The following GNG2 variants were observed in gnomAD, a reference collection of about 807,000 sequenced individuals.
The protein encoded by GNG2 is guanine nucleotide-binding protein G(I)/G(S)/G(O) subunit gamma-2.
A neutral mutation model predicts 5.5 loss-of-function variants in GNG2; 5 were observed. The observed-to-expected ratio is 0.91, with a 90% CI of 0.48 to 1.92. The LOEUF (loss-of-function observed/expected upper bound fraction) is 1.92. Ranked by LOEUF, GNG2 falls within the 30% of genes most tolerant of loss-of-function variation. GNG2 has a pLI of 0.01. For synonymous variants in GNG2, 28 were observed against 32.0 expected, an observed-to-expected ratio of 0.88 and a Z score of 0.42; for missense variants, 55 against 88.4, an observed-to-expected ratio of 0.62 and a Z score of 1.52.
At chr14:51,935,059 C>G (rs974631482) in intron 2 of GNG2, among the ~76,000 whole-genome samples, 7 of 133,220 alleles carry the variant, frequency 5.3e-5, no homozygotes, top group Admixed American at 5.0e-4. Flanking sequence ...GAGTCTCGCT[C>G]TGTTGCCCAG....
intron 3 of GNG2, among the ~76,000 whole-genome samples, chr14:51,961,545 G>A (rs1209784699): frequency 2.6e-5 from 4 of 152,180 alleles, no homozygotes; most frequent in African/African-American, 4.8e-5. Context: ...ATAAACAAAC[G>A]ATGTCCGTAA....
intron 2 of GNG2, among the ~76,000 whole-genome samples, chr14:51,851,773 G>A (rs1486674610): frequency 6.6e-6 from 1 of 152,118 alleles, no homozygotes; most frequent in East Asian, 1.9e-4. Flanking sequence ...CTTTTCTCTA[G>A]TGGTGCCTTC....
intron 2 of GNG2, among the ~76,000 whole-genome samples, chr14:51,841,761 A>G (rs1881490109): frequency 6.6e-6 from 1 of 152,240 alleles, no homozygotes; most frequent in Non-Finnish European, 1.5e-5. Context: ...AGGTAGGTAT[A>G]GATACAAGGA....
chr14:51,963,787 G>A (rs1372680018), intron 3 of GNG2, among the ~76,000 whole-genome samples: 6 of 152,074 alleles, frequency 3.9e-5, no homozygotes, highest in Non-Finnish European at 8.8e-5. Context: ...ATAAAAAGAG[G>A]ATAATAATTC....
Position 51,838,183 on chromosome 14 carries a change from C to T in GNG2, c.64+10376C>T, listed in dbSNP as rs537285656. The stretch of plus-strand genomic sequence containing the variant: ...CAATTCTGAAAAGTGTTTATTAATG[C>T]CTGTAATCCCAGCACTTTGGGAGGC... On this transcript the variant is annotated intron_variant, in intron 2 of 3. Transcript: ENST00000553432. Among the ~76,000 whole-genome samples the T allele has an allele frequency of 3.3e-5, 5 of 152,232 alleles. No individual in the cohort carries two copies. The East Asian group carries it at 9.6e-4, about 29-fold the overall frequency.
At chr14:51,842,783 G>T (rs971421392) in intron 2 of GNG2, among the ~76,000 whole-genome samples, 1 of 151,864 alleles carries the variant, frequency 6.6e-6, no homozygotes, top group Non-Finnish European at 1.5e-5. Flanking sequence ...TCGTGCCTCA[G>T]CCTCACCAGT....
chr14:51,966,231 A>AAAAAAAAAAAAAAAAAAAAAAAAG (rs61013183), intron 3 of GNG2, among the ~76,000 whole-genome samples: 1 of 108,498 alleles, frequency 9.2e-6, no homozygotes, highest in Non-Finnish European at 2.0e-5. Context: ...AAAAAAAAAA[A>AAAAAAAAAAAAAAAAAAAAAAAAG]AAAAAACAAA....
chr14:51,827,327 C>T (rs922586426), intron 1 of GNG2, among the ~76,000 whole-genome samples: 1 of 152,210 alleles, frequency 6.6e-6, no homozygotes, highest in Non-Finnish European at 1.5e-5. Context: ...GTATCAATAT[C>T]ACCTGGGAAC....
chr14:51,955,429 T>A (rs1889219872), intron 3 of GNG2, among the ~76,000 whole-genome samples: 1 of 152,176 alleles, frequency 6.6e-6, no homozygotes, highest in African/African-American at 2.4e-5. Context: ...TTCATCTTCA[T>A]CAAATAAATT....
chr14:51,881,724 TAACGTA>T (rs1884090453), intron 2 of GNG2, among the ~76,000 whole-genome samples: 5 of 143,264 alleles, frequency 3.5e-5, no homozygotes, highest in South Asian at 2.2e-4. Flanking sequence ...TTTTTTTTTT[TAACGTA>T]TTTAATAGTT....
At chr14:51,835,196 T>C (rs1440485411) in intron 2 of GNG2, among the ~76,000 whole-genome samples, 3 of 152,130 alleles carry the variant, frequency 2.0e-5, no homozygotes, top group Non-Finnish European at 4.4e-5. Flanking sequence ...AGTCAACAAT[T>C]ACTGTAAGAA....
chr14:51,894,310 A>T (rs193004867), intron 2 of GNG2, among the ~76,000 whole-genome samples: 1 of 152,266 alleles, frequency 6.6e-6, no homozygotes, highest in Admixed American at 6.5e-5. Context: ...AAATTTGGTA[A>T]AATGGCTGGG....
At chr14:51,901,353 AT>A (rs1004147641) in intron 2 of GNG2, among the ~76,000 whole-genome samples, 40 of 148,788 alleles carry the variant, frequency 2.7e-4, no homozygotes, top group Admixed American at 7.4e-4. Flanking sequence ...TGCCCAGCTA[AT>A]TTTTTTTTTT....
intron 1 of GNG2, among the ~76,000 whole-genome samples, chr14:51,870,536 C>T (rs750271386): frequency 2.0e-5 from 3 of 152,162 alleles, no homozygotes; most frequent in Non-Finnish European, 4.4e-5. Flanking sequence ...CTACCCTGGG[C>T]CAAGTAATGA....
intron 2 of GNG2, among the ~76,000 whole-genome samples, chr14:51,921,705 A>G (rs915114932): frequency 1.3e-5 from 2 of 152,224 alleles, no homozygotes; most frequent in Non-Finnish European, 2.9e-5. Flanking sequence ...GGAGAAATCA[A>G]TGCCATTACT....
In GNG2 at chr14:51,948,427, C is replaced by A. The variant is rs11624779; in HGVS notation, c.-29-2223C>A. ...ATTCTGTGATAGTCTGCATTCCAGC[C>A]AGATGAATGAATTCCAGTTTGGCAG... On this transcript the variant is annotated intron_variant, in intron 2 of 3. Transcript: ENST00000556766. Among the ~76,000 whole-genome samples the A allele has an allele frequency of 2.4e-4, 36 of 151,774 alleles. No homozygotes were observed. In the East Asian group the frequency reaches 5.8e-3, roughly 25 times the overall value.
chr14:51,852,440 A>G (rs539510326), intron 2 of GNG2, among the ~76,000 whole-genome samples: 1 of 152,368 alleles, frequency 6.6e-6, no homozygotes, highest in Non-Finnish European at 1.5e-5. Flanking sequence ...GACATTACCT[A>G]TGAATTCTAG....
At chr14:51,888,594 A>G (rs1884622652) in intron 2 of GNG2, among the ~76,000 whole-genome samples, 1 of 152,082 alleles carries the variant, frequency 6.6e-6, no homozygotes, top group South Asian at 2.1e-4. Context: ...TTAAAATTCC[A>G]TTTTCTTTCT....
chr14:51,846,856 A>C (rs1217779231), intron 2 of GNG2, among the ~76,000 whole-genome samples: 1 of 152,236 alleles, frequency 6.6e-6, no homozygotes, highest in Non-Finnish European at 1.5e-5. Flanking sequence ...GTGAGAGAAG[A>C]AAGCTTGAGA....
Sources: gnomAD v4.1 joint callset for allele counts (sites outside exome capture counted in the v4.1 genomes callset) on GRCh38, gnomAD v4.1.1 for gene constraint, MANE v1.5 for transcripts, NCBI Gene and HGNC (gene_info 2026-07-23, HGNC 2026-07-21) for gene names.